Variants in BLOC1S5 observed in about 807,000 individuals in gnomAD.
BLOC1S5 encodes biogenesis of lysosome-related organelles complex 1 subunit 5.
A neutral mutation model predicts 24.3 loss-of-function variants in BLOC1S5; 27 were observed. The observed-to-expected ratio is 1.11, with a 90% CI of 0.82 to 1.53. The LOEUF is 1.53. BLOC1S5 is among the 40% of genes most tolerant of loss of function. BLOC1S5 has a pLI of 0.00. For synonymous variants in BLOC1S5, 84 were observed against 74.5 expected (o/e 1.13, Z -0.66); for missense variants, 239 against 229.4 (o/e 1.04, Z -0.27).
chr6:8,047,592 T>C (rs183520517), intron 2 of BLOC1S5, among the ~76,000 whole-genome samples: 66 of 152,312 alleles, frequency 4.3e-4, no homozygotes, highest in Non-Finnish European at 7.5e-4. Context: ...TTTTAACCAA[T>C]AGATTTCCCC....
intron 1 of BLOC1S5, 85 bp downstream of exon 1, chr6:8,064,161 CGCGCCAGCCCGGGACCCGG>C (rs1561874556): frequency 4.2e-6 from 4 of 958,138 alleles, no homozygotes; most frequent in Non-Finnish European, 5.9e-6. Context: ...CAAACGCACG[CGCGCCAGCCCGGGACCCGG>C]GGGTCGGCCC....
At chr6:8,056,946 G>GTGGC (rs1764330674) in intron 2 of BLOC1S5, among the ~76,000 whole-genome samples, 1 of 152,222 alleles carries the variant, frequency 6.6e-6, no homozygotes, top group African/African-American at 2.4e-5. Context: ...GCCTGGCGTG[G>GTGGC]TGGCTCACGC....
chr6:8,055,646 C>T (rs528792071), intron 2 of BLOC1S5, among the ~76,000 whole-genome samples: 3 of 152,272 alleles, frequency 2.0e-5, no homozygotes, highest in Non-Finnish European at 2.9e-5. Context: ...AGTTGTATAA[C>T]TCCCTTTTTC....
At chr6:8,043,767 A>C (rs189429582) in intron 2 of BLOC1S5, among the ~76,000 whole-genome samples, 2 of 152,344 alleles carry the variant, frequency 1.3e-5, no homozygotes, top group Admixed American at 1.3e-4. Flanking sequence ...AAATTGGGTG[A>C]GGTGTTGATA....
At position 8,017,997 on chromosome 6, in the gene BLOC1S5, G is replaced by T. The variant is rs1409699514; in HGVS notation, c.385-2169C>A. 5 of 152,188 alleles carry T rather than the reference G, an allele frequency of 3.3e-5. 1 individual carries two copies. In the South Asian group the frequency reaches 1.0e-3, roughly 32 times the overall value. The allele number at this position is 152,188 out of a possible 1,614,324, so 9.4% of individuals were successfully genotyped here. On this transcript the variant is annotated intron_variant, in intron 4 of 4. Transcript: ENST00000397457. ...CAAGACTGTTCAACTTCAGACTCAC[G>T]TCAACTTCTTTCCAATTGAAAATTC...
At chr6:8,030,267 C>T (rs1178343682) in intron 3 of BLOC1S5, among the ~76,000 whole-genome samples, 1 of 152,006 alleles carries the variant, frequency 6.6e-6, no homozygotes, top group Non-Finnish European at 1.5e-5. Flanking sequence ...TCAAGCGATT[C>T]TCCTGCCTCA....
chr6:8,064,079 C>A (rs1021951957), intron 1 of BLOC1S5, among the ~76,000 whole-genome samples, 186 bp downstream of exon 1: 2 of 152,168 alleles, frequency 1.3e-5, no homozygotes, highest in Non-Finnish European at 2.9e-5. Flanking sequence ...AAGAGTTGGG[C>A]TGGTTGGTTG....
chr6:8,026,495 G>A, intron 3 of BLOC1S5, 70 bp from the exon 4 acceptor site: 1 of 1,225,252 alleles, frequency 8.2e-7, no homozygotes, highest in Non-Finnish European at 1.2e-6. Context: ...TGGGGGAGGA[G>A]TGTGTGTGGA....
chr6:8,021,974 G>A (rs887720977), intron 4 of BLOC1S5, among the ~76,000 whole-genome samples: 1 of 151,952 alleles, frequency 6.6e-6, no homozygotes, highest in African/African-American at 2.4e-5. Context: ...ATAATAAACC[G>A]GCACGCATGC....
At chr6:8,022,582 T>TTTTC (rs1738605297) in intron 4 of BLOC1S5, among the ~76,000 whole-genome samples, 1 of 124,450 alleles carries the variant, frequency 8.0e-6, no homozygotes, top group Non-Finnish European at 1.6e-5. Context: ...TTTTTTTCTT[T>TTTTC]TTTTTTTTTC....
At chr6:8,052,219 G>A (rs926626108) in intron 2 of BLOC1S5, among the ~76,000 whole-genome samples, 5 of 151,714 alleles carry the variant, frequency 3.3e-5, no homozygotes, top group African/African-American at 7.3e-5. Context: ...CACCCGCCTC[G>A]GCCTCCCAAA....
intron 3 of BLOC1S5, among the ~76,000 whole-genome samples, chr6:8,037,941 A>C (rs1029535648): frequency 2.0e-5 from 3 of 152,182 alleles, no homozygotes; most frequent in Admixed American, 6.5e-5. Flanking sequence ...GGAAAACTGG[A>C]TATCCATATG....
At chr6:8,043,817 G>C (rs1349650753) in intron 2 of BLOC1S5, among the ~76,000 whole-genome samples, 1 of 152,184 alleles carries the variant, frequency 6.6e-6, no homozygotes, top group Non-Finnish European at 1.5e-5. Context: ...AACTTGAATT[G>C]TATCTCCCAG....
chr6:8,063,681 A>T (rs1170549476), intron 1 of BLOC1S5, among the ~76,000 whole-genome samples: 2 of 152,212 alleles, frequency 1.3e-5, no homozygotes, highest in Non-Finnish European at 2.9e-5. Flanking sequence ...CGCAGCAAAC[A>T]GCGTTGTGAG....
chr6:8,047,996 G>C (rs890075994), intron 2 of BLOC1S5, among the ~76,000 whole-genome samples: 2 of 152,136 alleles, frequency 1.3e-5, no homozygotes, highest in Admixed American at 6.5e-5. Context: ...TAATGAGTTG[G>C]CTCCCTAGTA....
intron 4 of BLOC1S5, among the ~76,000 whole-genome samples, chr6:8,023,917 G>C (rs553974760): frequency 1.1e-4 from 17 of 152,120 alleles, no homozygotes. Flanking sequence ...GCTACATATG[G>C]CAGTAAAACA....
At chr6:8,023,505 A>C (rs1762997235) in intron 4 of BLOC1S5, among the ~76,000 whole-genome samples, 1 of 151,864 alleles carries the variant, frequency 6.6e-6, no homozygotes, top group South Asian at 2.1e-4. Context: ...CAGGAGAATC[A>C]CTTGAACCCG....
chr6:8,017,584 T>C (rs767475026), intron 4 of BLOC1S5, among the ~76,000 whole-genome samples: 3 of 152,238 alleles, frequency 2.0e-5, no homozygotes, highest in Non-Finnish European at 4.4e-5. Context: ...CTGTTCTATT[T>C]TCTCTCTCAT....
At chr6:8,044,640 G>C (rs1763814092) in intron 2 of BLOC1S5, among the ~76,000 whole-genome samples, 2 of 152,166 alleles carry the variant, frequency 1.3e-5, no homozygotes, top group African/African-American at 2.4e-5. Flanking sequence ...TGAACAATAA[G>C]GTCCAGGCTG....
Sources: gnomAD v4.1 joint callset for allele counts (sites outside exome capture counted in the v4.1 genomes callset) on GRCh38, gnomAD v4.1.1 for gene constraint, MANE v1.5 for transcripts, NCBI Gene and HGNC (gene_info 2026-07-23, HGNC 2026-07-21) for gene names.